Variants in DPF3 observed in about 807,000 individuals in gnomAD.
The protein encoded by DPF3 is double PHD fingers 3.
DPF3 carries 18 observed loss-of-function variants against 56.8 expected under a neutral mutation model. The observed-to-expected ratio is 0.32, with a 90% confidence interval of 0.22 to 0.47. The LOEUF is 0.47. Ranked by LOEUF, DPF3 falls within the 20% of genes least tolerant of loss-of-function variation. DPF3 has a pLI of 1.00. For missense variants in DPF3, 403 were observed against 488.8 expected (o/e 0.82, Z 1.65); for synonymous variants, 188 against 180.2 (o/e 1.04, Z -0.35).
chr14:72,631,461 A>G (rs1421803856), intron 8 of DPF3, among the ~76,000 whole-genome samples: 1 of 152,200 alleles, frequency 6.6e-6, no homozygotes, highest in Non-Finnish European at 1.5e-5. Flanking sequence ...GGATGGGTAC[A>G]GGGTAGGAAA....
chr14:72,685,436 G>A (rs959193846), intron 7 of DPF3, among the ~76,000 whole-genome samples: 1 of 152,218 alleles, frequency 6.6e-6, no homozygotes, highest in Non-Finnish European at 1.5e-5. Flanking sequence ...ATGAGGTGAT[G>A]TGTGTAAAAT....
intron 1 of DPF3, among the ~76,000 whole-genome samples, chr14:72,869,621 C>T (rs1018653579): frequency 1.3e-5 from 2 of 152,128 alleles, no homozygotes; most frequent in Non-Finnish European, 2.9e-5. Flanking sequence ...GAGCATCTCT[C>T]TGGGACTGTC....
intron 4 of DPF3, among the ~76,000 whole-genome samples, chr14:72,729,346 A>G (rs1889539021): frequency 6.6e-6 from 1 of 152,200 alleles, no homozygotes; most frequent in African/African-American, 2.4e-5. Flanking sequence ...GGCCAGGGCA[A>G]AGGCCTGAGG....
intron 7 of DPF3, among the ~76,000 whole-genome samples, chr14:72,692,831 C>T (rs964580082): frequency 1.3e-5 from 2 of 152,170 alleles, no homozygotes; most frequent in African/African-American, 4.8e-5. Context: ...TTAACACTCA[C>T]CTTCCTTCCT....
At chr14:72,763,423 C>A (rs1446405982) in intron 2 of DPF3, among the ~76,000 whole-genome samples, 3 of 152,034 alleles carry the variant, frequency 2.0e-5, no homozygotes, top group African/African-American at 7.2e-5. Flanking sequence ...TAAAACAGAA[C>A]TGAGAGTCCA....
At chr14:72,821,232 TGA>T (rs1883527453) in intron 1 of DPF3, among the ~76,000 whole-genome samples, 1 of 151,902 alleles carries the variant, frequency 6.6e-6, no homozygotes, top group Non-Finnish European at 1.5e-5. Context: ...TGCAGTGAGC[TGA>T]GGTCACACTA....
intron 1 of DPF3, among the ~76,000 whole-genome samples, chr14:72,850,510 G>A (rs1567256026): frequency 6.6e-6 from 1 of 152,172 alleles, no homozygotes; most frequent in Non-Finnish European, 1.5e-5. Context: ...GCAATCATTA[G>A]ACAATATTTA....
intron 1 of DPF3, among the ~76,000 whole-genome samples, chr14:72,810,255 C>G (rs1212688656): frequency 6.6e-6 from 1 of 152,200 alleles, no homozygotes; most frequent in Non-Finnish European, 1.5e-5. Context: ...ATCCCTCCAA[C>G]TCAGAACATG....
intron 1 of DPF3, among the ~76,000 whole-genome samples, chr14:72,880,492 G>C (rs1599521498): frequency 6.6e-6 from 1 of 152,224 alleles, no homozygotes; most frequent in Non-Finnish European, 1.5e-5. Context: ...GGCCTCCCTG[G>C]GGCTGTTGGG....
At chr14:72,716,833 C>T (rs936548722) in intron 5 of DPF3, among the ~76,000 whole-genome samples, 3 of 152,182 alleles carry the variant, frequency 2.0e-5, no homozygotes, top group Admixed American at 2.0e-4. Flanking sequence ...TTTGCATTTC[C>T]TTTCCATTGC....
At chr14:72,873,435 G>C (rs1599514939) in intron 1 of DPF3, among the ~76,000 whole-genome samples, 1 of 152,226 alleles carries the variant, frequency 6.6e-6, no homozygotes, top group East Asian at 1.9e-4. Flanking sequence ...AGGTGCTGGA[G>C]AGGATGTGGA....
At chr14:72,828,227 C>T (rs8004109) in intron 1 of DPF3, among the ~76,000 whole-genome samples, 2,258 of 152,220 alleles carry the variant, frequency 0.015, 56 homozygotes, top group African/African-American at 0.052. Context: ...TGCTAAGCAC[C>T]ATGCTGGGTA....
chr14:72,751,090 C>A (rs913977477), intron 3 of DPF3, among the ~76,000 whole-genome samples: 2 of 152,030 alleles, frequency 1.3e-5, no homozygotes, highest in African/African-American at 4.8e-5. Context: ...ACTGAGGAGG[C>A]CAAGGTGGAA....
chr14:72,750,856 A>C (rs1890544696), intron 3 of DPF3, among the ~76,000 whole-genome samples: 1 of 142,520 alleles, frequency 7.0e-6, no homozygotes, highest in African/African-American at 2.5e-5. Context: ...ACTGGGTCTT[A>C]TTTTTCATGA....
At chr14:72,731,729 G>C in intron 4 of DPF3, 78 bp downstream of exon 4, 1 of 1,580,564 alleles carries the variant, frequency 6.3e-7, no homozygotes, top group Middle Eastern at 1.7e-4. Context: ...AGGATCTGGA[G>C]CCAAGCCGGT....
At chr14:72,783,892 C>T (rs1038926635) in intron 1 of DPF3, among the ~76,000 whole-genome samples, 3 of 152,062 alleles carry the variant, frequency 2.0e-5, no homozygotes, top group Admixed American at 6.6e-5. Flanking sequence ...CCAGGGGCAG[C>T]GGCAGGATGG....
chr14:72,853,185 T>C (rs1197104126), intron 1 of DPF3: 1 of 151,242 alleles, frequency 6.6e-6, no homozygotes, highest in Non-Finnish European at 1.5e-5. Context: ...TGTTCTTTAC[T>C]GTGCATTGTT....
intron 8 of DPF3, among the ~76,000 whole-genome samples, chr14:72,655,519 G>A (rs1238765975): frequency 2.0e-5 from 3 of 152,198 alleles, no homozygotes; most frequent in African/African-American, 4.8e-5. Flanking sequence ...TTCAGATGGA[G>A]TTTCAGCAGA....
At chr14:72,714,810 G>A (rs549315751) in intron 5 of DPF3, among the ~76,000 whole-genome samples, 2 of 151,430 alleles carry the variant, frequency 1.3e-5, no homozygotes, top group South Asian at 4.2e-4. Context: ...AGGTCGTTCG[G>A]CTACTCAGGG....
Sources: allele counts gnomAD v4.1 joint callset (sites outside exome capture counted in the v4.1 genomes callset), GRCh38; gene constraint gnomAD v4.1.1; transcripts MANE v1.5; gene names NCBI Gene and HGNC (gene_info 2026-07-23, HGNC 2026-07-21).